Variants in SYNE2 observed in about 807,000 individuals in gnomAD.
SYNE2 encodes the protein nesprin-2.
A neutral mutation model predicts 856.3 loss-of-function variants in SYNE2; 431 were observed. The ratio of observed to expected loss-of-function variants is 0.50; its 90% CI spans 0.47 to 0.55. SYNE2 has a LOEUF of 0.55. Ranked by LOEUF, SYNE2 falls within the 20% of genes least tolerant of loss-of-function variation. The pLI, the probability that SYNE2 is intolerant of heterozygous loss-of-function variation, is 0.00. For synonymous variants in SYNE2, 2,923 were observed against 2,872.3 expected, an observed-to-expected ratio of 1.02 and a Z score of -0.56; for missense variants, 8,129 against 8,023.2, an observed-to-expected ratio of 1.01 and a Z score of -0.50.
chr14:63,947,769 G>A lies in SYNE2; in HGVS notation c.409-2056G>A, dbSNP rs149608984. ...GGAGAATCGCTTGAACCTGGGAGGC[G>A]GAGGTTGCGGTGAGCCGAGATCGTG... On this transcript the variant is annotated intron_variant, in intron 6 of 115. Coordinates refer to ENST00000555002, the MANE Select transcript of SYNE2 (RefSeq NM_182914.3). Among the ~76,000 whole-genome samples the A allele has an allele frequency of 3.7e-4, 57 of 152,176 alleles. No homozygotes were observed. In the East Asian group the frequency reaches 9.7e-3, roughly 26 times the overall value.
intron 2 of SYNE2, among the ~76,000 whole-genome samples, chr14:63,922,893 A>G (rs1407435276): frequency 6.6e-6 from 1 of 152,204 alleles, no homozygotes; most frequent in African/African-American, 2.4e-5. Context: ...AAAATGTAAG[A>G]ACCCTGGATT....
intron 9 of SYNE2, among the ~76,000 whole-genome samples, chr14:63,962,771 G>T (rs2096338057): frequency 6.6e-6 from 1 of 151,936 alleles, no homozygotes; most frequent in Non-Finnish European, 1.5e-5. Context: ...CGAACTCCTG[G>T]CCTCAAGTGA....
At chr14:63,970,655 T>C (rs921048245) in intron 11 of SYNE2, among the ~76,000 whole-genome samples, 206 of 140,390 alleles carry the variant, frequency 1.5e-3, no homozygotes, top group Non-Finnish European at 2.2e-3. Context: ...TTTTTTCTTT[T>C]TTTTTTTTTT....
At chr14:63,768,344 T>G (rs1050172262) in intron 1 of SYNE2, among the ~76,000 whole-genome samples, 1 of 152,190 alleles carries the variant, frequency 6.6e-6, no homozygotes, top group Non-Finnish European at 1.5e-5. Flanking sequence ...AAAACGTCAG[T>G]TAGCTGAGAT....
At position 63,781,608 on chromosome 14, in the gene SYNE2, G is replaced by A. The variant is rs974275527; in HGVS notation, c.-305+19622G>A. Among the ~76,000 whole-genome samples the A allele has an allele frequency of 1.4e-4, 21 of 151,760 alleles. 1 individual carries two copies. The highest frequency in any genetic ancestry group is 6.6e-5 in the Admixed American group (1 of 15,204). Reference sequence around the variant, plus strand: ...ATGGAAGTTACACATATGGAGAAGAGGAGGGCTAGCATGAACCCCAGAGGT... The same window carrying A: ...ATGGAAGTTACACATATGGAGAAGAAGAGGGCTAGCATGAACCCCAGAGGT... On this transcript the variant is annotated intron_variant, in intron 1 of 23. Transcript: ENST00000674003.
intron 82 of SYNE2, among the ~76,000 whole-genome samples, chr14:64,142,452 T>C (rs969988140): frequency 6.6e-6 from 1 of 152,156 alleles, no homozygotes; most frequent in Non-Finnish European, 1.5e-5. Flanking sequence ...CTGCACCCTC[T>C]ACCTGGAATG....
intron 78 of SYNE2, among the ~76,000 whole-genome samples, chr14:64,136,447 G>A (rs571543014): frequency 6.6e-6 from 1 of 152,086 alleles, no homozygotes; most frequent in South Asian, 2.1e-4. Flanking sequence ...TTACAAATGG[G>A]AGTGGTGGAA....
At position 63,830,719 on chromosome 14, in the gene SYNE2, C is replaced by T. The variant is rs535056327; in HGVS notation, c.-304-21782C>T. Among the ~76,000 whole-genome samples the T allele has an allele frequency of 1.6e-4, 24 of 151,688 alleles. No homozygotes were observed. The South Asian group carries it at 1.9e-3, about 12-fold the overall frequency. Reference sequence around the variant, plus strand: ...AAGTTATTAGGACATTTGAATTTTTCGAATACTTATTAATAACAGTTTGAC... The same window carrying T: ...AAGTTATTAGGACATTTGAATTTTTTGAATACTTATTAATAACAGTTTGAC... On this transcript the variant is annotated intron_variant, in intron 1 of 23. Coordinates refer to the SYNE2 transcript ENST00000674003.
In SYNE2 at chr14:63,967,696, C is replaced by G. The variant is rs376253539; in HGVS notation, c.991-13C>G. On this transcript the variant is annotated splice_polypyrimidine_tract_variant and intron_variant, in intron 10 of 115. Transcript: ENST00000555002. ...AAACATTTTCAATCTTTAAAATACT[C>G]TTCTAATTGCAGAGCCTGCTGTCCT... is the stretch of plus-strand genomic sequence containing the variant. The G allele has an allele frequency of 1.2e-6, 2 of 1,613,168 alleles. No individual in the cohort carries two copies. Among genetic ancestry groups the G allele is most frequent in the Non-Finnish European group, 1.7e-6 (2 of 1,179,318 alleles).
chr14:63,960,612 T>A (rs1566915217), intron 8 of SYNE2: 4 of 589,146 alleles, frequency 6.8e-6, no homozygotes, highest in Non-Finnish European at 9.2e-6. Flanking sequence ...TGAAGTGTTT[T>A]TTTTTTTCCA....
In SYNE2 at chr14:64,142,075, T is replaced by C; in HGVS notation, c.15293T>C (p.Leu5098Pro). 2.5e-6 allele frequency: 4 copies of C among 1,613,984 alleles called. No homozygotes were observed. Among genetic ancestry groups the C allele is most frequent in the Non-Finnish European group, 3.4e-6 (4 of 1,179,972 alleles). ...PSSASQVKHL[L>P]QKHKEFRMEM... Reference sequence around the variant, plus strand: ...TCTGCATCTCAAGTTAAACATCTTCTTCAGAAGCACAAGGTAATTATGCAA... The same window carrying C: ...TCTGCATCTCAAGTTAAACATCTTCCTCAGAAGCACAAGGTAATTATGCAA... The change falls in exon 82 of 116, where the codon CTT (leucine) becomes CCT (proline). Residue 5098 changes from leucine to proline, a missense_variant. By Grantham distance (98) the Leu-to-Pro change is moderately conservative. Transcript: ENST00000555002.
In SYNE2 at chr14:64,170,328, C is replaced by T; in HGVS notation, c.17101C>T (p.Gln5701Ter). The change falls in exon 94 of 116, where the codon CAG (glutamine) becomes TAG (stop). Residue 5701 changes from glutamine to a stop codon, truncating the protein, a stop_gained. Transcript: ENST00000555002. LOFTEE classifies it high-confidence loss of function. ...GGGTGACGTTGATGGGCTGGTGAGG[C>T]AGTGGCAAGATTTCACTACTTCTGT... ...RKGDVDGLVR[Q>*]WQDFTTSVEN... 1 of 1,614,168 alleles carries T rather than the reference C, an allele frequency of 6.2e-7. No individual in the cohort carries two copies. Among genetic ancestry groups the T allele is most frequent in the Non-Finnish European group, 8.5e-7 (1 of 1,180,030 alleles).
intron 103 of SYNE2, 24 bp downstream of exon 103, chr14:64,210,148 G>T (rs200351599): frequency 6.2e-7 from 1 of 1,610,878 alleles, no homozygotes; most frequent in Non-Finnish European, 8.5e-7. Context: ...CACCTGGCTC[G>T]GGTGTAGATT....
Position 64,216,328 on chromosome 14 carries a change from G to A in SYNE2, c.19483G>A (p.Gly6495Ser), listed in dbSNP as rs766835281. 25 of 1,614,084 alleles carry A rather than the reference G, an allele frequency of 1.5e-5. No homozygotes were observed. Among genetic ancestry groups the A allele is most frequent in the Non-Finnish European group, 2.1e-5 (25 of 1,180,052 alleles). Residue 6495 changes from glycine (G) to serine (S), a missense_variant, in exon 108 of 116, where the codon GGT becomes AGT. Physicochemically the swap from Gly to Ser is moderately conservative, Grantham distance 56. Around this residue, in one of 3 missense-constraint regions of SYNE2, gnomAD observed 5,410 missense variants for 5,284.8 expected, o/e 1.02. Transcript: ENST00000555002. Reference protein sequence around the residue: ...CPEHHYKQMEGDRNVPPVPPA... With the variant: ...CPEHHYKQMESDRNVPPVPPA... ...CGAGCATCACTACAAGCAAATGGAA[G>A]GTGACAGGAATGTTCCACCTGTTCC... is the stretch of plus-strand genomic sequence containing the variant.
chr14:63,941,770 G>A lies in SYNE2; in HGVS notation c.217G>A (p.Val73Ile). 1.2e-6 allele frequency: 2 copies of A among 1,614,086 alleles called. No homozygotes were observed. Among genetic ancestry groups the A allele is most frequent in the Non-Finnish European group, 8.5e-7 (1 of 1,179,974 alleles). Reference sequence around the variant, plus strand: ...GCATGTCCTCCTGGATCTGCTAGAAGTACTTTCTGGGCAACAGTTGGTAAG... The same window carrying A: ...GCATGTCCTCCTGGATCTGCTAGAAATACTTTCTGGGCAACAGTTGGTAAG... ...KGHVLLDLLEVLSGQQLPRDK... is the reference protein window; with the variant it reads ...KGHVLLDLLEILSGQQLPRDK... The change falls in exon 4 of 116, where the codon GTA (valine) becomes ATA (isoleucine). Residue 73 changes from valine (V) to isoleucine (I), a missense_variant. Physicochemically the swap from Val to Ile is conservative, Grantham distance 29. Around this residue, in one of 3 missense-constraint regions of SYNE2, gnomAD observed 2,422 missense variants for 2,357.4 expected, o/e 1.03. Coordinates refer to ENST00000555002, the MANE Select transcript of SYNE2 (RefSeq NM_182914.3).
chr14:63,823,724 A>G (rs751279321), intron 1 of SYNE2, among the ~76,000 whole-genome samples: 2 of 150,732 alleles, frequency 1.3e-5, no homozygotes, highest in Non-Finnish European at 3.0e-5. Flanking sequence ...CAGCCTCAAC[A>G]TACCAGACTC....
intron 57 of SYNE2, chr14:64,087,327 T>C: frequency 2.1e-6 from 1 of 472,838 alleles, no homozygotes; most frequent in Non-Finnish European, 4.2e-6. Flanking sequence ...GTGGCTGAGC[T>C]ATTTTGACAT....
intron 115 of SYNE2, 51 bp from the exon 116 acceptor site, chr14:64,225,268 G>A (rs1447761203): frequency 1.2e-6 from 2 of 1,613,874 alleles, no homozygotes; most frequent in Middle Eastern, 1.7e-4. Context: ...TAATAGAGTG[G>A]GTTGTGCCTG....
chr14:63,873,391 CTTTTTTG>C (rs1262846156), intron 1 of SYNE2: 2 of 151,660 alleles, frequency 1.3e-5, no homozygotes, highest in African/African-American at 2.4e-5. Flanking sequence ...GAGTACTTAC[CTTTTTTG>C]TTTTTTGTTT....
Sources: allele counts gnomAD v4.1 joint callset (sites outside exome capture counted in the v4.1 genomes callset), GRCh38; gene constraint gnomAD v4.1.1; regional missense constraint gnomAD v4.1.1; transcripts MANE v1.5; gene names NCBI Gene and HGNC (gene_info 2026-07-23, HGNC 2026-07-21).